Variants in NBPF11 observed in about 807,000 individuals in gnomAD.
The protein encoded by NBPF11 is NBPF family member NBPF11.
NBPF11 carries 72 observed loss-of-function variants against 93.9 expected under a neutral mutation model. That is an observed-to-expected ratio of 0.77 (90% CI 0.63 to 0.93). The LOEUF (loss-of-function observed/expected upper bound fraction) is 0.93. Among genes scored for constraint, NBPF11 ranks in the 40% least tolerant of loss-of-function variants. NBPF11 has a pLI of 0.00. For synonymous variants in NBPF11, 224 were observed against 304.9 expected (o/e 0.73, Z 2.76); for missense variants, 705 against 802.2 (o/e 0.88, Z 1.46).
At chr1:148,121,510 G>A (rs1235847509) in intron 9 of NBPF11, among the ~76,000 whole-genome samples, 2 of 151,128 alleles carry the variant, frequency 1.3e-5, no homozygotes, top group African/African-American at 2.4e-5. Context: ...ACCGCGCCCA[G>A]CTAATTTCTT....
intron 1 of NBPF11, chr1:148,149,146 C>T: frequency 6.9e-6 from 11 of 1,586,696 alleles, no homozygotes. Context: ...GCTGACCCTG[C>T]TCCGGCGCCG....
rs1187981932 is a variant in NBPF11 at position 148,125,323 on chromosome 1, C to T, written c.176-322G>A. Among the ~76,000 whole-genome samples the T allele has an allele frequency of 2.6e-5, 4 of 151,954 alleles. No individual in the cohort carries two copies. The East Asian group carries it at 7.7e-4, about 29-fold the overall frequency. On this transcript the variant is annotated intron_variant, in intron 5 of 23. Coordinates refer to ENST00000682118, the MANE Select transcript of NBPF11 (RefSeq NM_001385469.3). The stretch of plus-strand genomic sequence containing the variant: ...GGGGCCACTTTCCCAAGCCTTGCAG[C>T]CTCTCCTCTAAAACACTGCACTGGG...
chr1:148,144,606 A>AATACGG, intron 1 of NBPF11, among the ~76,000 whole-genome samples: 2 of 152,154 alleles, frequency 1.3e-5, no homozygotes, highest in Admixed American at 1.3e-4. Context: ...AACAATAATG[A>AATACGG]ATACTATATT....
At chr1:148,142,016 G>T (rs1452452580) in intron 2 of NBPF11, among the ~76,000 whole-genome samples, 2 of 143,646 alleles carry the variant, frequency 1.4e-5, no homozygotes, top group Non-Finnish European at 3.1e-5. Context: ...GAGGGAGGGA[G>T]GAAGGAAGGA....
Position 148,142,108 on chromosome 1 carries a change from G to T in NBPF11, c.-277+1307C>A, listed in dbSNP as rs1483501642. On this transcript the variant is annotated intron_variant, in intron 2 of 23. Coordinates refer to ENST00000682118, the MANE Select transcript of NBPF11 (RefSeq NM_001385469.3). ...AGGGAAGGCAGAAGGGAAGGAGGGA[G>T]GGAAAGAATAAAGAGAGAGAGAAAG... Among the ~76,000 whole-genome samples the T allele has an allele frequency of 1.2e-3, 186 of 149,208 alleles. 1 individual carries two copies. Among genetic ancestry groups the T allele is most frequent in the African/African-American group, 4.5e-3 (180 of 39,946 alleles).
rs1271280056 is a variant in NBPF11, at chr1:148,145,266, C to A, written c.-548-1580G>T. Among the ~76,000 whole-genome samples the A allele has an allele frequency of 2.4e-5, 3 of 126,078 alleles. No homozygotes were observed. In the East Asian group the frequency reaches 7.8e-4, roughly 33 times the overall value. 82.7% of individuals were successfully genotyped at this position (126,078 alleles called of 152,430 possible). On this transcript the variant is annotated intron_variant, in intron 1 of 23. Coordinates refer to ENST00000682118, the MANE Select transcript of NBPF11 (RefSeq NM_001385469.3). ...TTGCTCTGTCAACCAGGCTGGAGTACAGTAGTGTAATCTCGGCTCACTGCA... is the reference window on the plus strand; with the variant it reads ...TTGCTCTGTCAACCAGGCTGGAGTAAAGTAGTGTAATCTCGGCTCACTGCA...
intron 1 of NBPF11, among the ~76,000 whole-genome samples, chr1:148,146,201 C>T (rs1672995899): frequency 6.6e-6 from 1 of 151,664 alleles, no homozygotes; most frequent in African/African-American, 2.4e-5. Flanking sequence ...TGCGAGGCTC[C>T]CTGGGGCTCG....
At position 148,122,292 on chromosome 1, in the gene NBPF11, G is replaced by A; in HGVS notation, c.567-26C>T. 2.5e-6 allele frequency: 4 copies of A among 1,609,766 alleles called. No individual in the cohort carries two copies. In the East Asian group the frequency reaches 8.9e-5, roughly 36 times the overall value. On this transcript the variant is annotated intron_variant, in intron 8 of 23. Transcript: ENST00000682118. ...CTGATGAGCCAGGTGGGACAGAGAT[G>A]ACAGAAGATTAAACACAGAGGGATT...
rs1204442353 is a variant in NBPF11 at position 148,127,050 on chromosome 1, A to G, written c.-35-12T>C. ...GGTGGAGTCAGGGACTGGGGAGAAG[A>G]AACCCAAACATATGATGGGTTAAAA... On this transcript the variant is annotated splice_polypyrimidine_tract_variant and intron_variant, in intron 4 of 23. Coordinates refer to ENST00000682118, the MANE Select transcript of NBPF11 (RefSeq NM_001385469.3). The G allele has an allele frequency of 3.5e-6, 2 of 566,818 alleles. No homozygotes were observed. Among genetic ancestry groups the G allele is most frequent in the South Asian group, 1.9e-5 (1 of 53,010 alleles). The allele number at this position is 566,818 out of a possible 1,614,324, so 35.1% of individuals were successfully genotyped here.
intron 14 of NBPF11, among the ~76,000 whole-genome samples, chr1:148,115,164 CAAAAAAAAAAAAAAAAAAAAA>C (rs57869119): frequency 9.0e-4 from 11 of 12,160 alleles, no homozygotes; most frequent in South Asian, 9.9e-3. Flanking sequence ...GACTCCATCA[CAAAAAAAAAAAAAAAAAAAAA>C]AAAAAAAAAA....
At chr1:148,139,027 G>A (rs1239021837) in intron 2 of NBPF11, among the ~76,000 whole-genome samples, 1 of 151,486 alleles carries the variant, frequency 6.6e-6, no homozygotes, top group East Asian at 1.9e-4. Flanking sequence ...GGAGGTGGAG[G>A]TTGCAGTGAG....
chr1:148,146,419 C>G, intron 1 of NBPF11: 4 of 1,603,102 alleles, frequency 2.5e-6, no homozygotes, highest in Non-Finnish European at 3.4e-6. Flanking sequence ...GCTGAGTGAG[C>G]TCTGCTGCCT....
intron 4 of NBPF11, among the ~76,000 whole-genome samples, chr1:148,129,269 T>C (rs1553273904): frequency 6.8e-6 from 1 of 147,516 alleles, no homozygotes; most frequent in Non-Finnish European, 1.5e-5. Flanking sequence ...ATAATACGTG[T>C]ATATACATAA....
intron 1 of NBPF11, chr1:148,146,576 G>A (rs1451018111): frequency 6.2e-7 from 1 of 1,607,152 alleles, no homozygotes; most frequent in East Asian, 2.2e-5. Flanking sequence ...GCCTCCTCGG[G>A]CGCACCCGGG....
rs61812001 is a variant in NBPF11 at position 148,108,506 on chromosome 1, T to C, written c.2002A>G (p.Ile668Val). 576 of 1,551,376 alleles carry C rather than the reference T, an allele frequency of 3.7e-4. 6 individuals carry two copies. The African/African-American group carries it at 7.2e-3, about 19-fold the overall frequency. ...CCATCCATGTCAACAGCCAAGCCAA[T>C]ACGCTGTTGCTCCAATACGTAAAAG... ...SAFYVLEQQR[I>V]GLAVDMDEIE... is the part of the protein sequence containing the mutation. The change falls in exon 18 of 24, where the codon ATT becomes GTT. Residue 668 changes from isoleucine to valine, a missense_variant. Coordinates refer to ENST00000682118, the MANE Select transcript of NBPF11 (RefSeq NM_001385469.3).
chr1:148,132,208 T>C (rs1470390149), intron 4 of NBPF11, among the ~76,000 whole-genome samples: 2 of 138,192 alleles, frequency 1.4e-5, no homozygotes, highest in African/African-American at 5.5e-5. Flanking sequence ...AATATATATA[T>C]ATATATACAC....
At chr1:148,106,022 T>A (rs1663517278) in intron 21 of NBPF11, among the ~76,000 whole-genome samples, 159 bp downstream of exon 21, 1 of 142,398 alleles carries the variant, frequency 7.0e-6, no homozygotes, top group African/African-American at 2.7e-5. Flanking sequence ...AATGGAAACC[T>A]AAATATCTAC....
intron 10 of NBPF11, among the ~76,000 whole-genome samples, chr1:148,119,605 G>A (rs1667359182): frequency 1.3e-5 from 2 of 151,756 alleles, no homozygotes; most frequent in Non-Finnish European, 2.9e-5. Context: ...GCCCCAGGAA[G>A]CAGGACTTCA....
intron 1 of NBPF11, among the ~76,000 whole-genome samples, chr1:148,145,754 C>G (rs1160825303): frequency 2.3e-4 from 35 of 150,988 alleles, no homozygotes; most frequent in African/African-American, 7.3e-4. Context: ...TAGTGGTCTC[C>G]TGTAGGTCCC....
Sources: gnomAD v4.1 joint callset for allele counts (sites outside exome capture counted in the v4.1 genomes callset) on GRCh38, gnomAD v4.1.1 for gene constraint, MANE v1.5 for transcripts, NCBI Gene and HGNC (gene_info 2026-07-23, HGNC 2026-07-21) for gene names.